Variants in NMNAT2 observed in about 807,000 individuals in gnomAD.
NMNAT2 encodes nicotinamide nucleotide adenylyltransferase 2, also known as nicotinamide/nicotinic acid mononucleotide adenylyltransferase 2.
In NMNAT2, 11 loss-of-function variants were observed where a neutral mutation model predicts 41.6. The ratio of observed to expected loss-of-function variants is 0.26; its 90% confidence interval spans 0.17 to 0.44. The LOEUF (loss-of-function observed/expected upper bound fraction) is 0.44, where lower values mean the gene tolerates loss of function less well. Among genes scored for constraint, NMNAT2 ranks in the 20% least tolerant of loss-of-function variants. NMNAT2 has a pLI of 1.00. For missense variants in NMNAT2, 288 were observed against 407.7 expected, an observed-to-expected ratio of 0.71 and a Z score of 2.53; for synonymous variants, 148 against 151.2, an observed-to-expected ratio of 0.98 and a Z score of 0.16.
chr1:183,351,806 T>C (rs754978207), intron 1 of NMNAT2, among the ~76,000 whole-genome samples: 11 of 152,036 alleles, frequency 7.2e-5, no homozygotes, highest in Non-Finnish European at 1.3e-4. Context: ...AGGGTCCCTA[T>C]AAGAATATAG....
At chr1:183,362,063 T>A (rs939776867) in intron 1 of NMNAT2, among the ~76,000 whole-genome samples, 1 of 152,072 alleles carries the variant, frequency 6.6e-6, no homozygotes, top group African/African-American at 2.4e-5. Flanking sequence ...CTCAGCCTCC[T>A]GAGTAGCTGG....
At chr1:183,350,644 G>A (rs927358458) in intron 1 of NMNAT2, among the ~76,000 whole-genome samples, 2 of 152,190 alleles carry the variant, frequency 1.3e-5, no homozygotes, top group African/African-American at 4.8e-5. Flanking sequence ...ACTCTTGGGA[G>A]TGGAATAGAA....
At chr1:183,280,264 C>T (rs369618141) in intron 7 of NMNAT2, among the ~76,000 whole-genome samples, 5 of 152,158 alleles carry the variant, frequency 3.3e-5, no homozygotes, top group South Asian at 4.1e-4. Flanking sequence ...TGAAAGGGCA[C>T]GTCTCTGTAA....
chr1:183,399,594 C>A (rs1055825634), intron 1 of NMNAT2, among the ~76,000 whole-genome samples: 2 of 152,108 alleles, frequency 1.3e-5, no homozygotes, highest in African/African-American at 2.4e-5. Flanking sequence ...CAAAGCCTGG[C>A]AGAGACACAA....
chr1:183,417,714 G>C (rs1649295616), intron 1 of NMNAT2, among the ~76,000 whole-genome samples: 1 of 152,190 alleles, frequency 6.6e-6, no homozygotes, highest in Admixed American at 6.5e-5. Flanking sequence ...GCGCGAGTGT[G>C]TTTGCGAATC....
At chr1:183,278,770 C>A (rs573543025) in intron 7 of NMNAT2, 141 bp from the exon 8 acceptor site, 16 of 660,216 alleles carry the variant, frequency 2.4e-5, no homozygotes, top group Non-Finnish European at 4.2e-5. Flanking sequence ...TGCCTCTGCC[C>A]CTGAGTGTGT....
chr1:183,259,692 C>T (rs912065638), intron 10 of NMNAT2, among the ~76,000 whole-genome samples: 3 of 152,036 alleles, frequency 2.0e-5, no homozygotes, highest in Non-Finnish European at 4.4e-5. Context: ...CTCTGCCTCC[C>T]GGGTTCAAGC....
chr1:183,309,902 C>A (rs1662072350), intron 1 of NMNAT2, among the ~76,000 whole-genome samples: 1 of 152,108 alleles, frequency 6.6e-6, no homozygotes, highest in South Asian at 2.1e-4. Flanking sequence ...AGGTGCAGTG[C>A]CCCCTGGAAG....
chr1:183,369,364 C>T (rs1255896377), intron 1 of NMNAT2, among the ~76,000 whole-genome samples: 1 of 151,542 alleles, frequency 6.6e-6, no homozygotes, highest in Non-Finnish European at 1.5e-5. Context: ...GCAGCCTCCA[C>T]CTCCTGGGTT....
intron 1 of NMNAT2, among the ~76,000 whole-genome samples, chr1:183,307,634 G>A (rs2102321806): frequency 6.6e-6 from 1 of 152,204 alleles, no homozygotes; most frequent in South Asian, 2.1e-4. Context: ...ATAGAGACAG[G>A]GTTTCACCAC....
intron 1 of NMNAT2, among the ~76,000 whole-genome samples, chr1:183,342,899 A>AATTATTATT (rs36111392): frequency 3.5e-4 from 51 of 145,844 alleles, no homozygotes; most frequent in Admixed American, 6.9e-4. Context: ...ATGACTGGCT[A>AATTATTATT]ATTATTATTA....
intron 1 of NMNAT2, among the ~76,000 whole-genome samples, chr1:183,369,037 C>G (rs544423445): frequency 2.0e-5 from 3 of 152,298 alleles, no homozygotes; most frequent in Admixed American, 1.3e-4. Context: ...CTGTGAGACC[C>G]CTTCTCACGG....
intron 1 of NMNAT2, among the ~76,000 whole-genome samples, chr1:183,305,065 G>A (rs764572582): frequency 4.0e-5 from 6 of 150,670 alleles, no homozygotes; most frequent in Non-Finnish European, 8.8e-5. Flanking sequence ...TTCCAAATCA[G>A]GCTCCAGGCT....
At chr1:183,364,647 G>A (rs1663374948) in intron 1 of NMNAT2, among the ~76,000 whole-genome samples, 1 of 59,542 alleles carries the variant, frequency 1.7e-5, no homozygotes, top group Non-Finnish European at 4.1e-5. Flanking sequence ...TCAAGCAAGG[G>A]GAGGATGATT....
At chr1:183,389,840 GAA>G (rs1463683680) in intron 1 of NMNAT2, among the ~76,000 whole-genome samples, 1 of 54,324 alleles carries the variant, frequency 1.8e-5, no homozygotes, top group African/African-American at 5.9e-5. Flanking sequence ...AAGAAAGAAA[GAA>G]AGGAAAAAAG....
intron 1 of NMNAT2, among the ~76,000 whole-genome samples, chr1:183,415,142 T>C (rs1480456171): frequency 6.6e-6 from 1 of 152,084 alleles, no homozygotes; most frequent in Non-Finnish European, 1.5e-5. Context: ...ACACCATACC[T>C]GGCTAATTTT....
At chr1:183,391,916 A>G (rs953954587) in intron 1 of NMNAT2, among the ~76,000 whole-genome samples, 1 of 152,022 alleles carries the variant, frequency 6.6e-6, no homozygotes, top group Non-Finnish European at 1.5e-5. Context: ...CACTGTTAGC[A>G]TTGCTGCCTC....
In NMNAT2 at chr1:183,305,296, G is replaced by A. The variant is rs77854198; in HGVS notation, c.86-11503C>T. On this transcript the variant is annotated intron_variant, in intron 1 of 10. Coordinates refer to ENST00000287713, the MANE Select transcript of NMNAT2 (RefSeq NM_015039.4). ...CTGTGGTACTAAATATAGCTGGGCAGGGGGTGGAGTGGGGCAGGGGATAGA... is the reference window on the plus strand; with the variant it reads ...CTGTGGTACTAAATATAGCTGGGCAAGGGGTGGAGTGGGGCAGGGGATAGA... Among the ~76,000 whole-genome samples, 666 of 152,236 alleles carry A rather than the reference G, an allele frequency of 4.4e-3. 4 individuals are homozygous for A. Among genetic ancestry groups the A allele is most frequent in the African/African-American group, 0.015 (634 of 41,544 alleles).
At chr1:183,312,219 A>G (rs1046134873) in intron 1 of NMNAT2, among the ~76,000 whole-genome samples, 4 of 152,016 alleles carry the variant, frequency 2.6e-5, no homozygotes, top group Admixed American at 2.0e-4. Flanking sequence ...TGGTAGGCAC[A>G]TTAGTCACAG....
Sources: gnomAD v4.1 joint callset for allele counts (sites outside exome capture counted in the v4.1 genomes callset) on GRCh38, gnomAD v4.1.1 for gene constraint, MANE v1.5 for transcripts, NCBI Gene and HGNC (gene_info 2026-07-23, HGNC 2026-07-21) for gene names.